Variants in OSBPL2 observed in about 807,000 individuals in gnomAD.
OSBPL2 encodes the protein oxysterol-binding protein-related protein 2.
Under a neutral mutation model 58.4 loss-of-function variants are expected in OSBPL2, and 18 were observed. That is an observed-to-expected ratio of 0.31 (90% CI 0.21 to 0.46). OSBPL2 has a LOEUF of 0.46. OSBPL2 is among the 20% of genes least tolerant of loss of function. The pLI, the probability that OSBPL2 is intolerant of heterozygous loss-of-function variation, is 1.00. For missense variants in OSBPL2, 461 were observed against 616.5 expected (o/e 0.75, Z 2.67); for synonymous variants, 221 against 234.1 (o/e 0.94, Z 0.51).
intron 6 of OSBPL2, among the ~76,000 whole-genome samples, chr20:62,276,987 G>A (rs1982423472): frequency 6.6e-6 from 1 of 152,200 alleles, no homozygotes; most frequent in Non-Finnish European, 1.5e-5. Flanking sequence ...GGTGGCTCAC[G>A]CCTGTAATCC....
chr20:62,291,713 C>T lies in OSBPL2; in HGVS notation c.1260C>T (p.Ser420=). The part of the protein sequence containing the change: ...GMENGNMDLA[S]QEKERLEEKQ... Reference sequence around the variant, plus strand: ...TTGCTTGGATCCTAGATCTGGCCAGCCAGGAGAAGGAGCGGCTGGAGGAGA... The same window carrying T: ...TTGCTTGGATCCTAGATCTGGCCAGTCAGGAGAAGGAGCGGCTGGAGGAGA... Residue 420 remains serine, a synonymous_variant, in exon 13 of 14, where the codon AGC becomes AGT. Coordinates refer to ENST00000313733, the MANE Select transcript of OSBPL2 (RefSeq NM_144498.4). 6.2e-7 allele frequency: 1 copy of T among 1,613,654 alleles called. No individual in the cohort carries two copies. The highest frequency in any genetic ancestry group is 8.5e-7 in the Non-Finnish European group (1 of 1,179,958).
intron 8 of OSBPL2, chr20:62,281,469 T>A: frequency 5.9e-6 from 3 of 510,454 alleles, no homozygotes; most frequent in Non-Finnish European, 1.1e-5. Flanking sequence ...GGCCACTGTC[T>A]AGGCTTGAAT....
chr20:62,296,100 AAC>A lies in OSBPL2; in HGVS notation c.*2217_*2218del. On this transcript the variant is annotated 3_prime_UTR_variant, in exon 14 of 14. Transcript: ENST00000313733. ...TTTTGTTACTGTTTCTGCAAATGCT[AAC>A]ACATAAACCATGACCTAACTTTTGT... is the stretch of plus-strand genomic sequence containing the variant. The A allele has an allele frequency of 6.6e-6, 1 of 152,252 alleles. No individual in the cohort carries two copies. The highest frequency in any genetic ancestry group is 1.9e-4 in the East Asian group (1 of 5,198). The allele number at this position is 152,252 out of a possible 1,614,324, so 9.4% of individuals were successfully genotyped here. A position where few individuals can be genotyped will look rare whatever the true frequency, so the allele number is the denominator to read the frequency against.
intron 1 of OSBPL2, among the ~76,000 whole-genome samples, chr20:62,243,239 G>C (rs900653051): frequency 6.6e-6 from 1 of 152,226 alleles, no homozygotes; most frequent in South Asian, 2.1e-4. Context: ...GAGTGCCCTG[G>C]CTCTGGCTTG....
intron 9 of OSBPL2, chr20:62,282,085 T>C (rs960821057): frequency 1.2e-5 from 5 of 400,270 alleles, no homozygotes; most frequent in African/African-American, 8.0e-5. Context: ...AAGGGTATTT[T>C]TGAATGTAGT....
chr20:62,260,140 G>A lies in OSBPL2; in HGVS notation c.182+15G>A, dbSNP rs369805788. 7.3e-5 allele frequency: 118 copies of A among 1,610,876 alleles called. No individual in the cohort carries two copies. In the African/African-American group the frequency reaches 7.9e-4, roughly 11 times the overall value. On this transcript the variant is annotated intron_variant, in intron 3 of 13. Transcript: ENST00000313733. ...CAGAAACACAGGTATGTTCTCTCAC[G>A]TCTGCTGTTTCTAAAATGTGTCTGT...
intron 13 of OSBPL2, among the ~76,000 whole-genome samples, chr20:62,292,465 A>G (rs541965911): frequency 1.8e-4 from 27 of 152,358 alleles, no homozygotes; most frequent in African/African-American, 6.3e-4. Context: ...CGTGGGCCTC[A>G]CAGAAGCATC....
rs575952322 is a variant in OSBPL2, at chr20:62,291,816, A to C, written c.1340+23A>C. The C allele has an allele frequency of 1.7e-5, 27 of 1,600,004 alleles. No homozygotes were observed. The Admixed American group carries it at 3.7e-4, about 22-fold the overall frequency. Reference sequence around the variant, plus strand: ...GAGGTGAGTACTGTGGTAGCCACGCAGGCTGGGGCAGCGGGGAGGCCCCAC... The same window carrying C: ...GAGGTGAGTACTGTGGTAGCCACGCCGGCTGGGGCAGCGGGGAGGCCCCAC... On this transcript the variant is annotated intron_variant, in intron 13 of 13. Coordinates refer to ENST00000313733, the MANE Select transcript of OSBPL2 (RefSeq NM_144498.4).
intron 6 of OSBPL2, among the ~76,000 whole-genome samples, chr20:62,273,799 G>A (rs1156803546): frequency 6.6e-6 from 1 of 152,166 alleles, no homozygotes; most frequent in East Asian, 1.9e-4. Flanking sequence ...TTTAGTGAAC[G>A]CTATTGAAAA....
chr20:62,239,099 A>C (rs1979542547), intron 1 of OSBPL2: 1 of 152,278 alleles, frequency 6.6e-6, no homozygotes. Context: ...GAAGAAGGGC[A>C]GGGAGACGCA....
chr20:62,278,983 C>G, intron 6 of OSBPL2, 174 bp from the exon 7 acceptor site: 1 of 582,760 alleles, frequency 1.7e-6, no homozygotes, highest in Non-Finnish European at 3.0e-6. Flanking sequence ...CTGTTGCCAA[C>G]GTTAGGCCAA....
intron 4 of OSBPL2, among the ~76,000 whole-genome samples, chr20:62,267,000 A>G (rs1025314290): frequency 6.6e-6 from 1 of 152,216 alleles, no homozygotes; most frequent in Non-Finnish European, 1.5e-5. Context: ...CACGCCTATA[A>G]TCACTGTCAG....
At chr20:62,289,977 TAAAC>T (rs1164476362) in intron 12 of OSBPL2, among the ~76,000 whole-genome samples, 2 of 152,210 alleles carry the variant, frequency 1.3e-5, no homozygotes, top group African/African-American at 2.4e-5. Context: ...ATTATTAAAT[TAAAC>T]AAAAGTTAAG....
chr20:62,243,864 T>TC (rs1426065432), intron 1 of OSBPL2, among the ~76,000 whole-genome samples: 66 of 292 alleles, frequency 0.23, no homozygotes, highest in African/African-American at 0.38. Context: ...TAAAAAAAAA[T>TC]TTTTTTTGCA....
chr20:62,292,882 ATT>A (rs35975453), intron 13 of OSBPL2, among the ~76,000 whole-genome samples: 5 of 140,954 alleles, frequency 3.5e-5, no homozygotes, highest in South Asian at 2.2e-4. Flanking sequence ...ACCTTTCCTC[ATT>A]TTTTTTTTTT....
chr20:62,289,101 A>G, intron 11 of OSBPL2, 106 bp from the exon 12 acceptor site: 1 of 1,282,026 alleles, frequency 7.8e-7, no homozygotes. Flanking sequence ...CCATGGTGGC[A>G]GTCAGGTAGC....
intron 1 of OSBPL2, 30 bp downstream of exon 1, chr20:62,238,627 G>A (rs1979488683): frequency 6.7e-6 from 1 of 148,264 alleles, no homozygotes; most frequent in Non-Finnish European, 1.5e-5. Flanking sequence ...GCCACGCGAA[G>A]GCCCGGGACC....
intron 9 of OSBPL2, among the ~76,000 whole-genome samples, chr20:62,282,652 C>A (rs1982866661): frequency 6.6e-6 from 1 of 152,158 alleles, no homozygotes. Flanking sequence ...CATGGTAAAA[C>A]CCCGTCTCTA....
rs764711680 is a variant in OSBPL2, at chr20:62,293,969, G to A, written c.*82G>A. The A allele has an allele frequency of 2.0e-6, 3 of 1,529,896 alleles. No individual in the cohort carries two copies. The highest frequency in any genetic ancestry group is 2.6e-6 in the Non-Finnish European group (3 of 1,140,946). 94.8% of individuals were successfully genotyped at this position (1,529,896 alleles called of 1,614,324 possible). A position where few individuals can be genotyped will look rare whatever the true frequency, so the allele number is the denominator to read the frequency against. On this transcript the variant is annotated 3_prime_UTR_variant, in exon 14 of 14. Coordinates refer to ENST00000313733, the MANE Select transcript of OSBPL2 (RefSeq NM_144498.4). Reference sequence around the variant, plus strand: ...AGTGGCCACTGTGAGCCTCGTCACAGCAGAAACCAACTTTTCTAACGACTG... The same window carrying A: ...AGTGGCCACTGTGAGCCTCGTCACAACAGAAACCAACTTTTCTAACGACTG...
Sources: gnomAD v4.1 joint callset for allele counts (sites outside exome capture counted in the v4.1 genomes callset) on GRCh38, gnomAD v4.1.1 for gene constraint, MANE v1.5 for transcripts, NCBI Gene and HGNC (gene_info 2026-07-23, HGNC 2026-07-21) for gene names.